Variants in XRCC4 observed in about 807,000 individuals in gnomAD.
XRCC4 encodes DNA repair protein XRCC4.
XRCC4 carries 28 observed loss-of-function variants against 39.1 expected under a neutral mutation model. The observed-to-expected ratio is 0.72, with a 90% CI of 0.53 to 0.98. The LOEUF is 0.98. XRCC4 is among the 50% of genes least tolerant of loss of function. The probability of loss-of-function intolerance (pLI) is 0.00; values close to 1 mark genes in which losing one functional copy is unlikely to be tolerated. For synonymous variants in XRCC4, 123 were observed against 126.4 expected, an observed-to-expected ratio of 0.97 and a Z score of 0.18; for missense variants, 350 against 376.4, an observed-to-expected ratio of 0.93 and a Z score of 0.58.
chr5:83,101,261 A>G (rs1745921578), intron 1 of XRCC4, among the ~76,000 whole-genome samples: 1 of 151,982 alleles, frequency 6.6e-6, no homozygotes. Context: ...AGTTTTGTTT[A>G]TTAGCTTCTA....
At chr5:83,284,314 A>T (rs1754663328) in intron 7 of XRCC4, among the ~76,000 whole-genome samples, 1 of 152,052 alleles carries the variant, frequency 6.6e-6, no homozygotes, top group Admixed American at 6.6e-5. Flanking sequence ...TAACTCAGTG[A>T]CTAAGAATTT....
intron 7 of XRCC4, among the ~76,000 whole-genome samples, chr5:83,326,318 A>G (rs1386351089): frequency 6.6e-6 from 1 of 151,952 alleles, no homozygotes; most frequent in Non-Finnish European, 1.5e-5. Context: ...TTGTCATGAA[A>G]TCTTTGTCTG....
At chr5:83,291,951 C>CTGTGTGTGTGTG (rs34789998) in intron 7 of XRCC4, among the ~76,000 whole-genome samples, 65 of 144,026 alleles carry the variant, frequency 4.5e-4, no homozygotes, top group African/African-American at 1.5e-3. Context: ...ATGTGTATTT[C>CTGTGTGTGTGTG]TGTGTGTGTG....
At chr5:83,338,809 A>C (rs943504585) in intron 7 of XRCC4, among the ~76,000 whole-genome samples, 6 of 152,228 alleles carry the variant, frequency 3.9e-5, no homozygotes, top group Non-Finnish European at 1.5e-5. Context: ...AATATAGTTA[A>C]GTGAACATAA....
At chr5:83,346,956 A>G (rs746397785) in intron 7 of XRCC4, among the ~76,000 whole-genome samples, 5 of 152,208 alleles carry the variant, frequency 3.3e-5, no homozygotes. Flanking sequence ...ACTTCAAATT[A>G]TACCTCTAAG....
At chr5:83,144,471 T>G (rs1482823951) in intron 3 of XRCC4, among the ~76,000 whole-genome samples, 3 of 151,998 alleles carry the variant, frequency 2.0e-5, no homozygotes, top group African/African-American at 7.2e-5. Context: ...CATGCATGCA[T>G]ATACCATATT....
chr5:83,117,661 GTGTGTGTGTGTGTATGTATGTA>G (rs1436533582), intron 3 of XRCC4, among the ~76,000 whole-genome samples: 4,299 of 111,500 alleles, frequency 0.039, 171 homozygotes, highest in African/African-American at 0.13. Context: ...GTGTGTGTGT[GTGTGTGTGTGTGTATGTATGTA>G]TATGTATGTA....
intron 3 of XRCC4, among the ~76,000 whole-genome samples, chr5:83,123,041 A>C (rs1475231016): frequency 1.3e-5 from 2 of 149,012 alleles, no homozygotes; most frequent in African/African-American, 2.5e-5. Flanking sequence ...TATTTTTAGG[A>C]ATTAATTAGA....
intron 6 of XRCC4, among the ~76,000 whole-genome samples, chr5:83,219,327 C>A (rs1477860079): frequency 6.6e-6 from 1 of 151,980 alleles, no homozygotes; most frequent in African/African-American, 2.4e-5. Context: ...GGGGGATTTC[C>A]ACCCATAACA....
chr5:83,363,903 A>T, the XRCC4 span, among the ~76,000 whole-genome samples: 1 of 152,144 alleles, frequency 6.6e-6, no homozygotes, highest in South Asian at 2.1e-4. Context: ...TTCTCTTTGC[A>T]CCTCTTTCTG....
At chr5:83,357,435 G>T (rs1344116783), downstream of XRCC4, among the ~76,000 whole-genome samples, 1 of 152,094 alleles carries the variant, frequency 6.6e-6, no homozygotes, top group Non-Finnish European at 1.5e-5. Context: ...ATTCAATTAA[G>T]AGATTATGAG....
chr5:83,134,322 T>C (rs1380898926), intron 3 of XRCC4, among the ~76,000 whole-genome samples: 1 of 151,942 alleles, frequency 6.6e-6, no homozygotes, highest in African/African-American at 2.4e-5. Flanking sequence ...AGCTAAAGGA[T>C]TGTAAACACA....
chr5:83,108,146 G>C (rs1303144606), intron 2 of XRCC4, among the ~76,000 whole-genome samples: 3 of 151,876 alleles, frequency 2.0e-5, no homozygotes, highest in Non-Finnish European at 4.4e-5. Flanking sequence ...TTATTATGTG[G>C]TTCAGTTGCA....
intron 3 of XRCC4, among the ~76,000 whole-genome samples, chr5:83,191,379 A>G (rs930651184): frequency 4.6e-5 from 7 of 151,668 alleles, no homozygotes; most frequent in Non-Finnish European, 8.8e-5. Context: ...TTCTCATGAT[A>G]GTGAATGAGT....
chr5:83,357,387 A>G (rs2112246745), downstream of XRCC4, among the ~76,000 whole-genome samples: 1 of 152,304 alleles, frequency 6.6e-6, no homozygotes, highest in South Asian at 2.1e-4. Flanking sequence ...TATAAAAAGA[A>G]CACAAAATTT....
chr5:83,169,070 A>T (rs1006179757), intron 3 of XRCC4, among the ~76,000 whole-genome samples: 1 of 152,152 alleles, frequency 6.6e-6, no homozygotes, highest in Non-Finnish European at 1.5e-5. Context: ...GTGGGTGATT[A>T]TCTGATGTGC....
intron 2 of XRCC4, among the ~76,000 whole-genome samples, chr5:83,110,611 C>T (rs1380587620): frequency 6.6e-6 from 1 of 151,898 alleles, no homozygotes; most frequent in Non-Finnish European, 1.5e-5. Flanking sequence ...TTTACTCTGC[C>T]CATATGAGTG....
chr5:83,337,453 C>G (rs1756627404), intron 7 of XRCC4, among the ~76,000 whole-genome samples: 1 of 152,036 alleles, frequency 6.6e-6, no homozygotes, highest in African/African-American at 2.4e-5. Context: ...CTTAGAGCCC[C>G]AAGTTGTTAT....
At chr5:83,265,802 A>G (rs930045281) in intron 7 of XRCC4, among the ~76,000 whole-genome samples, 18 of 152,226 alleles carry the variant, frequency 1.2e-4, no homozygotes, top group Admixed American at 3.3e-4. Context: ...CTACTTTAAC[A>G]TAATTTCAAG....
Sources: allele counts gnomAD v4.1 joint callset (sites outside exome capture counted in the v4.1 genomes callset), GRCh38; gene constraint gnomAD v4.1.1; transcripts MANE v1.5; gene names NCBI Gene and HGNC (gene_info 2026-07-23, HGNC 2026-07-21).